Variants in DMD observed in about 807,000 individuals in gnomAD.
The protein encoded by DMD is dystrophin.
A neutral mutation model predicts 330.1 loss-of-function variants in DMD; 63 were observed. That is an observed-to-expected ratio of 0.19 (90% CI 0.16 to 0.24). DMD has a LOEUF of 0.24. Among genes scored for constraint, DMD ranks in the 10% least tolerant of loss-of-function variants. The probability of loss-of-function intolerance (pLI) is 1.00; values close to 1 mark genes in which losing one functional copy is unlikely to be tolerated. For synonymous variants in DMD, 1,223 were observed against 959.8 expected (o/e 1.27, Z -5.07); for missense variants, 3,344 against 2,684.1 (o/e 1.25, Z -5.43).
chrX:32,254,321 C>T (rs542135781), intron 43 of DMD, among the ~76,000 whole-genome samples: 2 of 112,180 alleles, frequency 1.8e-5, no homozygotes, highest in East Asian at 2.8e-4. Context: ...GGATTACAGG[C>T]GAGAGCCACC....
intron 27 of DMD, among the ~76,000 whole-genome samples, chrX:32,445,022 G>T (rs2098297434): frequency 9.0e-6 from 1 of 111,215 alleles, no homozygotes; most frequent in South Asian, 3.7e-4. Flanking sequence ...GTTGAGATAT[G>T]GTAGGTAAAT....
rs867691125 is a variant in DMD, at chrX:32,252,859, T to A, written c.6290+34670A>T. On this transcript the variant is annotated intron_variant, in intron 43 of 78. Transcript: ENST00000357033. ...ATATATATAAATATATAAATATATA[T>A]AAATATATAAATATATAAAAATATA... Among the ~76,000 whole-genome samples the A allele has an allele frequency of 9.0e-3, 518 of 57,596 alleles. 7 individuals carry two copies. The highest frequency in any genetic ancestry group is 0.013 in the Non-Finnish European group (425 of 32,102). 50.0% of individuals were successfully genotyped at this position (57,596 alleles called of 115,157 possible). A position where few individuals can be genotyped will look rare whatever the true frequency, so the allele number is the denominator to read the frequency against.
intron 44 of DMD, among the ~76,000 whole-genome samples, chrX:31,995,340 T>C (rs1195037302): frequency 1.8e-5 from 2 of 111,913 alleles, no homozygotes; most frequent in African/African-American, 6.5e-5. Flanking sequence ...AACAAACATA[T>C]GTACAAGTGT....
At chrX:33,123,542 G>A (rs1052859074) in intron 1 of DMD, among the ~76,000 whole-genome samples, 21 of 109,503 alleles carry the variant, frequency 1.9e-4, no homozygotes, top group African/African-American at 6.3e-4. Context: ...TCAGCCTCCC[G>A]AGTAGCTGGG....
Position 31,441,801 on chromosome X carries a change from G to A in DMD, c.9084+2680C>T, listed in dbSNP as rs183206286. 9.8e-5 allele frequency among the ~76,000 whole-genome samples: 11 copies of A among 112,060 alleles called. No individual in the cohort carries two copies. In the East Asian group the frequency reaches 3.1e-3, roughly 31 times the overall value. ...AGTAATGGGAAAAAAATTGCTTGAT[G>A]TGAACCTCATTTCTTGCTTTCTTCT... On this transcript the variant is annotated intron_variant, in intron 60 of 78. Transcript: ENST00000357033.
At chrX:32,912,281 C>T (rs1011007643) in intron 2 of DMD, among the ~76,000 whole-genome samples, 3 of 110,758 alleles carry the variant, frequency 2.7e-5, no homozygotes, top group African/African-American at 9.9e-5. Flanking sequence ...CTTGTGTCTT[C>T]CCTGAGTTTC....
rs750659615 is a variant in DMD, at chrX:33,040,117, G to A, written c.32-19917C>T. ...ATCCTTGGAAATGCAGACCGAAGGA[G>A]TCTGCACTCATTCTGGAATTCTTTT... On this transcript the variant is annotated intron_variant, in intron 1 of 78. Transcript: ENST00000357033. Among the ~76,000 whole-genome samples the A allele has an allele frequency of 1.2e-4, 13 of 111,559 alleles. No homozygotes were observed. The South Asian group carries it at 4.9e-3, about 42-fold the overall frequency.
chrX:32,619,486 T>A (rs1314242392), intron 11 of DMD, among the ~76,000 whole-genome samples: 1 of 111,802 alleles, frequency 8.9e-6, no homozygotes, highest in African/African-American at 3.2e-5. Flanking sequence ...ATATGTAAGG[T>A]AATGCATATG....
intron 22 of DMD, among the ~76,000 whole-genome samples, chrX:32,471,815 G>A (rs1276175252): frequency 8.9e-6 from 1 of 111,800 alleles, no homozygotes; most frequent in Non-Finnish European, 1.9e-5. Flanking sequence ...CCACCAGTTT[G>A]AGAATGTGAC....
intron 43 of DMD, among the ~76,000 whole-genome samples, chrX:32,258,140 C>T (rs185706860): frequency 4.5e-5 from 5 of 111,255 alleles, no homozygotes; most frequent in East Asian, 2.8e-4. Context: ...GTTAGAATGG[C>T]GAACATTCAA....
chrX:31,660,669 A>G (rs2081073202), intron 53 of DMD, among the ~76,000 whole-genome samples: 1 of 111,638 alleles, frequency 9.0e-6, no homozygotes, highest in South Asian at 3.7e-4. Flanking sequence ...CAGAGCATAT[A>G]TGTAAAAGCT....
At chrX:31,315,918 A>G (rs1297374288) in intron 62 of DMD, among the ~76,000 whole-genome samples, 1 of 112,225 alleles carries the variant, frequency 8.9e-6, no homozygotes, top group Non-Finnish European at 1.9e-5. Flanking sequence ...AGCTCTATTG[A>G]CCACTAGAAA....
intron 44 of DMD, among the ~76,000 whole-genome samples, chrX:32,203,704 G>A (rs893220025): frequency 2.2e-4 from 24 of 111,538 alleles, no homozygotes; most frequent in Non-Finnish European, 4.0e-4. Flanking sequence ...AAATTCCTCC[G>A]TCACCTCAGT....
At chrX:32,777,287 A>AGGGGGGGG (rs1569518199) in intron 7 of DMD, among the ~76,000 whole-genome samples, 1 of 7,393 alleles carries the variant, frequency 1.4e-4, no homozygotes, top group Admixed American at 2.2e-3. Context: ...TGGGGGGGGA[A>AGGGGGGGG]TCCTACCAAG....
intron 72 of DMD, 148 bp downstream of exon 72, chrX:31,173,391 C>T (rs1230641554): frequency 3.2e-5 from 19 of 585,412 alleles, no homozygotes; most frequent in African/African-American, 6.8e-5. Context: ...TGCAGTGGAA[C>T]GGCATGCACG....
At chrX:31,429,188 G>GA (rs908053422) in intron 60 of DMD, among the ~76,000 whole-genome samples, 4 of 110,527 alleles carry the variant, frequency 3.6e-5, no homozygotes, top group African/African-American at 9.9e-5. Flanking sequence ...GGAAAAACCA[G>GA]AAAAAACAGG....
chrX:32,533,367 G>A (rs2047653235), intron 17 of DMD, among the ~76,000 whole-genome samples: 1 of 111,323 alleles, frequency 9.0e-6, no homozygotes, highest in Non-Finnish European at 1.9e-5. Flanking sequence ...TCTGCTGGAG[G>A]CAAACAAGAA....
rs1386765287 is a variant in DMD at position 31,852,372 on chromosome X, C to A, written c.7099-15553G>T. On this transcript the variant is annotated intron_variant, in intron 48 of 78. Transcript: ENST00000357033. Reference sequence around the variant, plus strand: ...TATACATACAGTTCTTAACTAAGGGCCAAAGCTCTGGTCTGGTTTAATAGC... The same window carrying A: ...TATACATACAGTTCTTAACTAAGGGACAAAGCTCTGGTCTGGTTTAATAGC... Among the ~76,000 whole-genome samples the A allele has an allele frequency of 2.7e-5, 3 of 111,644 alleles. No individual in the cohort carries two copies. The South Asian group carries it at 1.1e-3, about 42-fold the overall frequency.
chrX:33,124,325 C>T lies in DMD; in HGVS notation c.31+86957G>A, dbSNP rs752113010. ...ACCTCGGCTCTACTAAAAATACAAA[C>T]ATTAGCTGGGCGTGGTGGCAGGCGC... On this transcript the variant is annotated intron_variant, in intron 1 of 78. Transcript: ENST00000357033. Among the ~76,000 whole-genome samples, 10 of 106,565 alleles carry T rather than the reference C, an allele frequency of 9.4e-5. No homozygotes were observed. In the South Asian group the frequency reaches 3.8e-3, roughly 41 times the overall value. 92.5% of individuals were successfully genotyped at this position (106,565 alleles called of 115,157 possible).
Sources: allele counts gnomAD v4.1 joint callset (sites outside exome capture counted in the v4.1 genomes callset), GRCh38; gene constraint gnomAD v4.1.1; transcripts MANE v1.5; gene names NCBI Gene and HGNC (gene_info 2026-07-23, HGNC 2026-07-21).